Variants in GABRG3 observed in about 807,000 individuals in gnomAD.
The protein encoded by GABRG3 is gamma-aminobutyric acid type A receptor subunit gamma3, also known as gamma-aminobutyric acid receptor subunit gamma-3.
In GABRG3, 25 loss-of-function variants were observed where a neutral mutation model predicts 48.8. The observed-to-expected ratio is 0.51, with a 90% CI of 0.37 to 0.72. The LOEUF (loss-of-function observed/expected upper bound fraction) is 0.72. GABRG3 is among the 30% of genes least tolerant of loss of function. The pLI is 0.00. For synonymous variants in GABRG3, 227 were observed against 217.6 expected (o/e 1.04, Z -0.38); for missense variants, 394 against 577.9 (o/e 0.68, Z 3.26).
chr15:27,309,152 CACAT>C (rs1208415108), intron 3 of GABRG3, among the ~76,000 whole-genome samples: 7 of 105,064 alleles, frequency 6.7e-5, no homozygotes, highest in East Asian at 2.1e-4. Flanking sequence ...TATATAGAAA[CACAT>C]ATAATGTAAA....
chr15:27,380,412 C>CTG (rs1018902645), intron 5 of GABRG3, among the ~76,000 whole-genome samples: 1 of 150,336 alleles, frequency 6.7e-6, no homozygotes, highest in East Asian at 1.9e-4. Context: ...TTTATTTAAA[C>CTG]TGTGTGTGTG....
At chr15:27,407,273 C>T (rs1190354922) in intron 5 of GABRG3, among the ~76,000 whole-genome samples, 1 of 152,192 alleles carries the variant, frequency 6.6e-6, no homozygotes, top group Non-Finnish European at 1.5e-5. Flanking sequence ...ACTTACTACA[C>T]ACCTACTGGA....
intron 3 of GABRG3, among the ~76,000 whole-genome samples, chr15:27,309,610 A>G (rs910593796): frequency 1.3e-5 from 2 of 152,086 alleles, no homozygotes; most frequent in African/African-American, 4.8e-5. Context: ...AATTAAAACC[A>G]TGACGTGATA....
At chr15:26,985,127 G>T (rs1392233886) in intron 2 of GABRG3, among the ~76,000 whole-genome samples, 1 of 152,212 alleles carries the variant, frequency 6.6e-6, no homozygotes, top group African/African-American at 2.4e-5. Context: ...AGGAGGTGAG[G>T]TGTGTTATGG....
chr15:27,478,963 A>G (rs1035872014), intron 5 of GABRG3, among the ~76,000 whole-genome samples: 25 of 152,242 alleles, frequency 1.6e-4, no homozygotes, highest in Middle Eastern at 3.4e-3. Flanking sequence ...AGTGACAGAA[A>G]ATATATAAGT....
intron 3 of GABRG3, among the ~76,000 whole-genome samples, chr15:27,186,015 C>CTTTT (rs10580180): frequency 7.6e-6 from 1 of 131,306 alleles, no homozygotes; most frequent in Non-Finnish European, 1.7e-5. Context: ...GTATTTAAAT[C>CTTTT]TTTTTTTTTT....
intron 5 of GABRG3, among the ~76,000 whole-genome samples, chr15:27,452,674 C>T (rs1889145609): frequency 6.6e-6 from 1 of 152,078 alleles, no homozygotes; most frequent in African/African-American, 2.4e-5. Flanking sequence ...ATTGAGTAGG[C>T]TGAGGGGGAG....
At position 27,034,008 on chromosome 15, in the gene GABRG3, A is replaced by G. The variant is rs375036151; in HGVS notation, c.270+7187A>G. Reference sequence around the variant, plus strand: ...AATGCAGAGAATCATGCCAAACCCCAGATCTCCTTGAATCAGAATCTGCAT... The same window carrying G: ...AATGCAGAGAATCATGCCAAACCCCGGATCTCCTTGAATCAGAATCTGCAT... On this transcript the variant is annotated intron_variant, in intron 3 of 9. Transcript: ENST00000615808. Among the ~76,000 whole-genome samples, 8 of 152,330 alleles carry G rather than the reference A, an allele frequency of 5.3e-5. 1 individual carries two copies. Among genetic ancestry groups the G allele is most frequent in the East Asian group, 1.9e-4 (1 of 5,182 alleles).
intron 3 of GABRG3, among the ~76,000 whole-genome samples, chr15:27,306,633 TATA>T (rs1892488365): frequency 1.6e-5 from 2 of 122,912 alleles, no homozygotes; most frequent in Non-Finnish European, 3.3e-5. Context: ...AATATAAACA[TATA>T]TTTATATATA....
rs766387666 is a variant in GABRG3 at position 27,249,496 on chromosome 15, C to G, written c.271-77313C>G. On this transcript the variant is annotated intron_variant, in intron 3 of 9. Transcript: ENST00000615808. ...CCTTCTTAAATTTTCAGAGTACTGT[C>G]GCAGCCAGATGGGCAGCTGCCCCCG... Among the ~76,000 whole-genome samples the G allele has an allele frequency of 1.9e-4, 29 of 152,158 alleles. 1 individual carries two copies. The highest frequency in any genetic ancestry group is 4.1e-4 in the Non-Finnish European group (28 of 68,032).
chr15:27,420,015 C>T (rs1441484134), intron 5 of GABRG3, among the ~76,000 whole-genome samples: 1 of 152,192 alleles, frequency 6.6e-6, no homozygotes, highest in Non-Finnish European at 1.5e-5. Flanking sequence ...TGTTACCATT[C>T]TGGGTGTAAT....
intron 3 of GABRG3, among the ~76,000 whole-genome samples, chr15:27,130,069 TTATC>T (rs1376942020): frequency 2.0e-5 from 3 of 152,200 alleles, no homozygotes; most frequent in South Asian, 2.1e-4. Context: ...GTAGTCCAGT[TTATC>T]TATTTTTTTC....
intron 3 of GABRG3, among the ~76,000 whole-genome samples, chr15:27,087,256 G>A (rs949425416): frequency 6.6e-6 from 1 of 152,164 alleles, no homozygotes; most frequent in African/African-American, 2.4e-5. Context: ...GGGCATGGGA[G>A]CCTTGACCTC....
chr15:27,080,586 C>G (rs1344953605), intron 3 of GABRG3, among the ~76,000 whole-genome samples: 6 of 152,040 alleles, frequency 3.9e-5, no homozygotes, highest in Non-Finnish European at 7.4e-5. Flanking sequence ...TGAGACCAGC[C>G]TGGGCAACAC....
chr15:26,978,852 C>T (rs932647219), intron 2 of GABRG3, among the ~76,000 whole-genome samples: 5 of 152,180 alleles, frequency 3.3e-5, no homozygotes, highest in African/African-American at 1.2e-4. Context: ...GAATAGTTTT[C>T]TCTGTAACTA....
At position 27,305,581 on chromosome 15, in the gene GABRG3, CATATAT is replaced by C. The variant is rs560969777; in HGVS notation, c.271-21224_271-21219del. ...ATAAACCTACGTGTTTATATATAAA[CATATAT>C]ATAATATAAACCTACATGTTTATAT... On this transcript the variant is annotated intron_variant, in intron 3 of 9. Transcript: ENST00000615808. 5.0e-5 allele frequency among the ~76,000 whole-genome samples: 7 copies of C among 138,756 alleles called. No homozygotes were observed. The East Asian group carries it at 1.0e-3, about 21-fold the overall frequency. 91.0% of individuals were successfully genotyped at this position (138,756 alleles called of 152,430 possible).
In GABRG3 at chr15:27,306,705, C is replaced by A. The variant is rs1414947015; in HGVS notation, c.271-20104C>A. On this transcript the variant is annotated intron_variant, in intron 3 of 9. Transcript: ENST00000615808. ...ATATATGAACATGTTTATATATAAACATATACAATATAAACATGTTTATAT... is the reference window on the plus strand; with the variant it reads ...ATATATGAACATGTTTATATATAAAAATATACAATATAAACATGTTTATAT... Among the ~76,000 whole-genome samples, 100 of 117,606 alleles carry A rather than the reference C, an allele frequency of 8.5e-4. 6 individuals are homozygous for A. The highest frequency in any genetic ancestry group is 3.4e-3 in the African/African-American group (95 of 27,786). The allele number at this position is 117,606 out of a possible 152,430, so 77.2% of individuals were successfully genotyped here.
intron 5 of GABRG3, among the ~76,000 whole-genome samples, chr15:27,470,891 C>A (rs569730322): frequency 6.8e-6 from 1 of 146,468 alleles, no homozygotes; most frequent in Admixed American, 6.9e-5. Flanking sequence ...TTTCTCAAAT[C>A]CTAGTATATG....
chr15:27,051,865 G>C (rs1255328987), intron 3 of GABRG3, among the ~76,000 whole-genome samples: 6 of 152,218 alleles, frequency 3.9e-5, no homozygotes, highest in Non-Finnish European at 8.8e-5. Context: ...ATCTGGGGGT[G>C]ATGGGAGACG....
Sources: allele counts gnomAD v4.1 joint callset (sites outside exome capture counted in the v4.1 genomes callset), GRCh38; gene constraint gnomAD v4.1.1; transcripts MANE v1.5; gene names NCBI Gene and HGNC (gene_info 2026-07-23, HGNC 2026-07-21).